Variants in FMN1 observed in about 807,000 individuals in gnomAD.
FMN1 encodes formin-1.
FMN1 carries 110 observed loss-of-function variants against 132.4 expected under a neutral mutation model. That is an observed-to-expected ratio of 0.83 (90% CI 0.71 to 0.97). The LOEUF (loss-of-function observed/expected upper bound fraction) is 0.97, where lower values mean the gene tolerates loss of function less well. Ranked by LOEUF, FMN1 falls within the 50% of genes least tolerant of loss-of-function variation. The pLI is 0.00. For missense variants in FMN1, 1,792 were observed against 1,705.3 expected (o/e 1.05, Z -0.90); for synonymous variants, 722 against 651.7 (o/e 1.11, Z -1.64).
intron 7 of FMN1, among the ~76,000 whole-genome samples, chr15:32,997,650 A>G (rs989056439): frequency 6.6e-6 from 1 of 152,158 alleles, no homozygotes; most frequent in African/African-American, 2.4e-5. Context: ...TCTCCAATTA[A>G]GTCAAAAAGC....
chr15:33,085,518 T>C (rs1320647438), intron 5 of FMN1, among the ~76,000 whole-genome samples: 3 of 150,262 alleles, frequency 2.0e-5, no homozygotes, highest in East Asian at 3.9e-4. Context: ...TATACAAATA[T>C]ATATATCACA....
At chr15:32,888,147 A>G (rs2059938199) in intron 16 of FMN1, 25 bp downstream of exon 16, 3 of 1,574,472 alleles carry the variant, frequency 1.9e-6, no homozygotes, top group African/African-American at 1.4e-5. Context: ...AGCTATTATC[A>G]TAATAGCAGA....
At chr15:32,793,505 G>A (rs940251911) in intron 19 of FMN1, among the ~76,000 whole-genome samples, 5 of 151,936 alleles carry the variant, frequency 3.3e-5, no homozygotes, top group Admixed American at 3.3e-4. Context: ...GATCTTGAAC[G>A]CCTGACCTCA....
intron 16 of FMN1, among the ~76,000 whole-genome samples, chr15:32,872,728 A>G (rs976528731): frequency 6.6e-6 from 1 of 152,240 alleles, no homozygotes; most frequent in African/African-American, 2.4e-5. Flanking sequence ...CACAAGGCCT[A>G]TTAGTAAAAA....
At chr15:32,999,053 A>T (rs1419124086) in intron 7 of FMN1, among the ~76,000 whole-genome samples, 1 of 152,226 alleles carries the variant, frequency 6.6e-6, no homozygotes, top group East Asian at 1.9e-4. Flanking sequence ...TCACACTAAA[A>T]TGATGAATTA....
chr15:32,811,211 G>T (rs1268308441), intron 17 of FMN1: 2 of 398,280 alleles, frequency 5.0e-6, no homozygotes, highest in Non-Finnish European at 1.0e-5. Flanking sequence ...CTTGCCCATG[G>T]AGGACGATAT....
At chr15:32,969,526 A>C in intron 7 of FMN1, 49 bp from the exon 8 acceptor site, 6 of 1,575,926 alleles carry the variant, frequency 3.8e-6, no homozygotes, top group Non-Finnish European at 5.2e-6. Context: ...ATTAAGAACA[A>C]ACTTAAGAAT....
At position 33,153,854 on chromosome 15, in the gene FMN1, A is replaced by G. The variant is rs1383342987; in HGVS notation, c.1061T>C (p.Ile354Thr). Reference protein sequence around the residue: ...VKTHSKGKETIAIRPAAHAEF... With the variant: ...VKTHSKGKETTAIRPAAHAEF... The stretch of plus-strand genomic sequence containing the variant: ...AGCGTGGGCTGCTGGGCGAATGGCA[A>G]TCGTCTCCTTACCCTTAGAATGCGT... The change falls in exon 4 of 21, where the codon ATT (isoleucine) becomes ACT (threonine). Residue 354 changes from isoleucine to threonine, a missense_variant. Physicochemically the swap from Ile to Thr is moderately conservative, Grantham distance 89 (BLOSUM62 -1). Around this residue, in one of 3 missense-constraint regions of FMN1, gnomAD observed 638 missense variants for 645.2 expected, o/e 0.99. Transcript: ENST00000616417. 6.5e-7 allele frequency: 1 copy of G among 1,536,716 alleles called. No homozygotes were observed. The highest frequency in any genetic ancestry group is 1.4e-5 in the African/African-American group (1 of 73,174).
intron 19 of FMN1, 115 bp downstream of exon 19, chr15:32,798,686 GACC>G: frequency 1.0e-6 from 1 of 961,906 alleles, no homozygotes; most frequent in Non-Finnish European, 1.5e-6. Context: ...CTTCCCCTAT[GACC>G]ACTTCATCCG....
chr15:32,844,759 C>T (rs377492713), intron 17 of FMN1, among the ~76,000 whole-genome samples: 12 of 152,180 alleles, frequency 7.9e-5, no homozygotes, highest in East Asian at 7.7e-4. Context: ...CACTGCTATT[C>T]GCACCATTGG....
intron 7 of FMN1, among the ~76,000 whole-genome samples, chr15:32,979,555 C>CAAAAAA (rs66993265): frequency 3.5e-5 from 2 of 57,442 alleles, no homozygotes; most frequent in Non-Finnish European, 3.9e-5. Flanking sequence ...GACTCTGTCT[C>CAAAAAA]AAAAAAAAAA....
chr15:32,974,883 C>T (rs1337341692), intron 7 of FMN1, among the ~76,000 whole-genome samples: 1 of 152,190 alleles, frequency 6.6e-6, no homozygotes, highest in Non-Finnish European at 1.5e-5. Flanking sequence ...AGGGAATGTT[C>T]CTTCATTGTC....
At chr15:33,119,337 G>A (rs1367273988) in intron 4 of FMN1, among the ~76,000 whole-genome samples, 10 of 152,180 alleles carry the variant, frequency 6.6e-5, no homozygotes, top group African/African-American at 1.9e-4. Flanking sequence ...TACAGTGGTA[G>A]CAGGCACCCA....
intron 2 of FMN1, among the ~76,000 whole-genome samples, chr15:33,190,787 C>T (rs1319248784): frequency 2.0e-5 from 3 of 152,196 alleles, no homozygotes; most frequent in Non-Finnish European, 4.4e-5. Flanking sequence ...CCCACTTTTA[C>T]AGCCTTGTCT....
chr15:32,804,608 C>T (rs1414455743), intron 17 of FMN1, among the ~76,000 whole-genome samples: 2 of 151,716 alleles, frequency 1.3e-5, no homozygotes, highest in African/African-American at 4.8e-5. Flanking sequence ...TGGTTTGCTG[C>T]ACCCATCGAC....
chr15:32,965,139 T>G (rs572819667), intron 8 of FMN1, among the ~76,000 whole-genome samples: 1 of 152,198 alleles, frequency 6.6e-6, no homozygotes, highest in Non-Finnish European at 1.5e-5. Flanking sequence ...AGCTCACACC[T>G]GTAATCCAAG....
intron 10 of FMN1, among the ~76,000 whole-genome samples, chr15:32,913,369 C>T (rs2060610137): frequency 6.6e-6 from 1 of 152,168 alleles, no homozygotes; most frequent in Admixed American, 6.5e-5. Context: ...TGATGCTTAA[C>T]ATACCTCCAA....
chr15:32,899,881 A>C, intron 14 of FMN1, 98 bp downstream of exon 14: 7 of 1,183,584 alleles, frequency 5.9e-6, no homozygotes, highest in Non-Finnish European at 8.4e-6. Context: ...AGGGGAGGAT[A>C]GAGATAAATG....
chr15:32,768,858 T>A lies in FMN1; in HGVS notation c.*5452A>T, dbSNP rs140851892. ...TTGATGGCTATATCTAACACCTTCA[T>A]ATAAAAATGGAATAAAAGTCAATCT... On this transcript the variant is annotated 3_prime_UTR_variant, in exon 21 of 21. Transcript: ENST00000616417. The A allele has an allele frequency of 3.3e-5, 5 of 152,270 alleles. No homozygotes were observed. The East Asian group carries it at 9.6e-4, about 29-fold the overall frequency. 9.4% of individuals were successfully genotyped at this position (152,270 alleles called of 1,614,324 possible).
Sources: gnomAD v4.1 joint callset for allele counts (sites outside exome capture counted in the v4.1 genomes callset) on GRCh38, gnomAD v4.1.1 for gene constraint, gnomAD v4.1.1 regional missense constraint, MANE v1.5 for transcripts, NCBI Gene and HGNC (gene_info 2026-07-23, HGNC 2026-07-21) for gene names.